METTL15: variants seen among roughly 807,000 people sequenced by gnomAD.
METTL15 encodes the protein methyltransferase 15, mitochondrial 12S rRNA N4-cytidine.
Under a neutral mutation model 38.3 loss-of-function variants are expected in METTL15, and 34 were observed. The ratio of observed to expected loss-of-function variants is 0.89; its 90% CI spans 0.68 to 1.18. The LOEUF (loss-of-function observed/expected upper bound fraction) is 1.18, where lower values mean the gene tolerates loss of function less well. Among genes scored for constraint, METTL15 ranks in the 50% most tolerant of loss-of-function variants. The pLI is 0.00. For synonymous variants in METTL15, 162 were observed against 170.9 expected (o/e 0.95, Z 0.41); for missense variants, 438 against 498.4 (o/e 0.88, Z 1.15).
chr11:28,155,487 A>C (rs927202940), intron 3 of METTL15, among the ~76,000 whole-genome samples: 3 of 152,154 alleles, frequency 2.0e-5, no homozygotes, highest in Non-Finnish European at 4.4e-5. Context: ...ACTTTGTTAG[A>C]ATTCACTGTC....
At chr11:28,117,855 C>A (rs1032039944) in intron 3 of METTL15, among the ~76,000 whole-genome samples, 4 of 152,132 alleles carry the variant, frequency 2.6e-5, no homozygotes, top group Non-Finnish European at 5.9e-5. Context: ...CCATTATTTG[C>A]TTCTCTTCTT....
In METTL15 at chr11:28,282,275, C is replaced by T. The variant is rs1856084550; in HGVS notation, c.408-7931C>T. ...TGGCACGGGAACCTTGCCCTTTAGT[C>T]TACTTAGGAGTTGTACTGTCAATCA... On this transcript the variant is annotated intron_variant, in intron 4 of 6. Transcript: ENST00000407364. 2.0e-5 allele frequency among the ~76,000 whole-genome samples: 3 copies of T among 152,136 alleles called. No individual in the cohort carries two copies. In the South Asian group the frequency reaches 6.2e-4, roughly 32 times the overall value.
At chr11:28,409,300 T>C (rs1451890520) in intron 5 of METTL15, among the ~76,000 whole-genome samples, 1 of 134,154 alleles carries the variant, frequency 7.5e-6, no homozygotes, top group East Asian at 2.2e-4. Flanking sequence ...GAGAATGGCA[T>C]GAACCCAGGA....
chr11:28,300,698 A>G (rs1856883672), intron 6 of METTL15, among the ~76,000 whole-genome samples: 1 of 152,192 alleles, frequency 6.6e-6, no homozygotes, highest in African/African-American at 2.4e-5. Flanking sequence ...TACATATGCT[A>G]TTCAGAACTA....
intron 5 of METTL15, among the ~76,000 whole-genome samples, chr11:28,291,461 T>C (rs1190306924): frequency 6.6e-6 from 1 of 152,172 alleles, no homozygotes; most frequent in Non-Finnish European, 1.5e-5. Flanking sequence ...AACTTAACTG[T>C]GGTTTTTTCT....
intron 6 of METTL15, among the ~76,000 whole-genome samples, chr11:28,510,154 G>T (rs537849207): frequency 6.6e-6 from 1 of 151,922 alleles, no homozygotes; most frequent in African/African-American, 2.4e-5. Context: ...TCCTTACAGC[G>T]CCTGTGTCTC....
chr11:28,317,602 G>C (rs1454679941), intron 6 of METTL15, among the ~76,000 whole-genome samples: 1 of 152,208 alleles, frequency 6.6e-6, no homozygotes, highest in African/African-American at 2.4e-5. Flanking sequence ...TTTAAAAAGT[G>C]TAAGTAGCAT....
At chr11:28,195,037 AT>A (rs906110579) in intron 3 of METTL15, among the ~76,000 whole-genome samples, 1 of 150,928 alleles carries the variant, frequency 6.6e-6, no homozygotes, top group African/African-American at 2.4e-5. Flanking sequence ...TTTTTTCTTC[AT>A]TTTTTTTGGT....
chr11:28,429,594 A>G (rs1316857028), intron 6 of METTL15, among the ~76,000 whole-genome samples: 44 of 67,698 alleles, frequency 6.5e-4, no homozygotes, highest in Non-Finnish European at 1.2e-3. Context: ...CCTAACCGCA[A>G]GTGATCCGCC....
intron 5 of METTL15, among the ~76,000 whole-genome samples, chr11:28,391,101 G>A (rs1850501525): frequency 6.6e-6 from 1 of 152,084 alleles, no homozygotes. Context: ...CTTTGCTGAA[G>A]TTGCTTATCA....
At chr11:28,216,599 A>G (rs1047977416) in intron 4 of METTL15, among the ~76,000 whole-genome samples, 5 of 152,064 alleles carry the variant, frequency 3.3e-5, no homozygotes, top group African/African-American at 1.2e-4. Flanking sequence ...TTTAGGGTAC[A>G]TGTGCACAAC....
chr11:28,230,660 C>G (rs1010815206), intron 4 of METTL15, among the ~76,000 whole-genome samples: 1 of 151,838 alleles, frequency 6.6e-6, no homozygotes, highest in Admixed American at 6.6e-5. Flanking sequence ...TTCTCTAAAT[C>G]GTCAACTAAT....
At chr11:28,257,140 A>C (rs945623333) in intron 4 of METTL15, among the ~76,000 whole-genome samples, 1 of 152,202 alleles carries the variant, frequency 6.6e-6, no homozygotes, top group South Asian at 2.1e-4. Context: ...TGTATGAAGG[A>C]TATTTTTACT....
At chr11:28,495,945 G>A (rs1056364347) in intron 6 of METTL15, among the ~76,000 whole-genome samples, 2 of 152,160 alleles carry the variant, frequency 1.3e-5, no homozygotes, top group Non-Finnish European at 2.9e-5. Context: ...CTTTCTTCAT[G>A]GCTAACCGAA....
intron 4 of METTL15, among the ~76,000 whole-genome samples, chr11:28,233,699 A>G (rs1198057634): frequency 2.0e-5 from 3 of 152,080 alleles, no homozygotes; most frequent in African/African-American, 7.2e-5. Context: ...CTCAGCTAAC[A>G]TCCAAGTATA....
At chr11:28,150,725 A>G (rs917674672) in intron 3 of METTL15, among the ~76,000 whole-genome samples, 2 of 151,918 alleles carry the variant, frequency 1.3e-5, no homozygotes, top group Non-Finnish European at 2.9e-5. Flanking sequence ...AATCCTGCTC[A>G]TTAGGGTTGG....
intron 3 of METTL15, among the ~76,000 whole-genome samples, chr11:28,203,160 A>G (rs1469974098): frequency 1.3e-5 from 2 of 152,152 alleles, no homozygotes. Context: ...AAGGAATTAA[A>G]TGTGCATTAT....
At chr11:28,343,925 C>A (rs1849976449) in intron 3 of METTL15, among the ~76,000 whole-genome samples, 1 of 152,138 alleles carries the variant, frequency 6.6e-6, no homozygotes, top group Admixed American at 6.5e-5. Flanking sequence ...AAGGTAAGTA[C>A]TATGACAGCC....
intron 4 of METTL15, among the ~76,000 whole-genome samples, chr11:28,360,004 C>G (rs1251560614): frequency 6.6e-6 from 1 of 152,082 alleles, no homozygotes; most frequent in African/African-American, 2.4e-5. Flanking sequence ...AAAGGACTTA[C>G]AAAAGAAGCC....
Sources: gnomAD v4.1 joint callset for allele counts (sites outside exome capture counted in the v4.1 genomes callset) on GRCh38, gnomAD v4.1.1 for gene constraint, MANE v1.5 for transcripts, NCBI Gene and HGNC (gene_info 2026-07-23, HGNC 2026-07-21) for gene names.